Variants in GIGYF2 observed in about 807,000 individuals in gnomAD.
GIGYF2 encodes the protein GRB10-interacting GYF protein 2.
GIGYF2 carries 25 observed loss-of-function variants against 208.1 expected under a neutral mutation model. The observed-to-expected ratio is 0.12, with a 90% confidence interval of 0.09 to 0.17. The LOEUF is 0.17. GIGYF2 is among the 10% of genes least tolerant of loss of function. GIGYF2 has a pLI of 1.00. For missense variants in GIGYF2, 1,302 were observed against 1,579.4 expected (o/e 0.82, Z 2.98); for synonymous variants, 534 against 543.8 (o/e 0.98, Z 0.25).
chr2:232,791,143 G>A lies in GIGYF2; in HGVS notation c.1066G>A (p.Gly356Arg). 1.2e-6 allele frequency: 2 copies of A among 1,614,028 alleles called. No homozygotes were observed. The highest frequency in any genetic ancestry group is 1.7e-6 in the Non-Finnish European group (2 of 1,179,984). Residue 356 changes from glycine to arginine, a missense_variant, in exon 11 of 29, where the codon GGA (glycine) becomes AGA (arginine). By Grantham distance (125) the Gly-to-Arg change is moderately radical (BLOSUM62 -2). Around this residue, in one of 8 missense-constraint regions of GIGYF2, gnomAD observed 235 missense variants for 218.8 expected, o/e 1.07. Coordinates refer to ENST00000373563, the MANE Select transcript of GIGYF2 (RefSeq NM_001103146.3). ...KEPDKTNKKE[G>R]EKTDRVGVEA... ...ACCCGATAAGACAAATAAGAAAGAAGGAGAGAAAACAGATAGAGTAGGAGT... is the reference window on the plus strand; with the variant it reads ...ACCCGATAAGACAAATAAGAAAGAAAGAGAGAAAACAGATAGAGTAGGAGT...
intron 12 of GIGYF2, 54 bp from the exon 13 acceptor site, chr2:232,794,694 C>T (rs978311018): frequency 5.8e-6 from 8 of 1,367,966 alleles, no homozygotes; most frequent in Non-Finnish European, 8.4e-6. Context: ...TGTAGTTAGC[C>T]TTCACAGAAG....
At chr2:232,825,243 C>T (rs1701213660) in intron 21 of GIGYF2, among the ~76,000 whole-genome samples, 1 of 152,144 alleles carries the variant, frequency 6.6e-6, no homozygotes, top group African/African-American at 2.4e-5. Context: ...CTCTGTGTGT[C>T]ATGGGTAGTG....
At chr2:232,777,055 C>T (rs1405197052) in intron 8 of GIGYF2, among the ~76,000 whole-genome samples, 11 of 151,840 alleles carry the variant, frequency 7.2e-5, no homozygotes, top group African/African-American at 2.7e-4. Context: ...CCATTAGTTC[C>T]AGAACTAGTA....
intron 25 of GIGYF2, 98 bp downstream of exon 25, chr2:232,844,672 A>G: frequency 1.3e-6 from 1 of 795,778 alleles, no homozygotes; most frequent in Admixed American, 2.0e-5. Flanking sequence ...GTAGTTATTG[A>G]GTTTTTGCTT....
At chr2:232,791,691 T>C (rs1243407978) in intron 12 of GIGYF2, among the ~76,000 whole-genome samples, 1 of 152,232 alleles carries the variant, frequency 6.6e-6, no homozygotes, top group Non-Finnish European at 1.5e-5. Flanking sequence ...TAAGGTGTTA[T>C]GACATAGCCA....
chr2:232,842,385 A>G (rs1264903026), intron 23 of GIGYF2, among the ~76,000 whole-genome samples: 1 of 152,186 alleles, frequency 6.6e-6, no homozygotes, highest in Non-Finnish European at 1.5e-5. Flanking sequence ...ATGCTATATC[A>G]AACATCTGTG....
chr2:232,858,029 A>G lies in GIGYF2; in HGVS notation c.*1169A>G, dbSNP rs1360354902. On this transcript the variant is annotated 3_prime_UTR_variant, in exon 29 of 29. Coordinates refer to ENST00000373563, the MANE Select transcript of GIGYF2 (RefSeq NM_001103146.3). ...GGAGGGGATGGGCGAAAATGGGAGC[A>G]GGAAGCCTGGCCTGGCTTCTGGTCA... The G allele has an allele frequency of 1.2e-5, 2 of 167,090 alleles. No homozygotes were observed. The highest frequency in any genetic ancestry group is 4.8e-5 in the African/African-American group (2 of 41,556). 10.4% of individuals were successfully genotyped at this position (167,090 alleles called of 1,614,324 possible).
intron 3 of GIGYF2, among the ~76,000 whole-genome samples, chr2:232,743,124 C>T (rs1396672675): frequency 6.6e-6 from 1 of 152,126 alleles, no homozygotes; most frequent in Non-Finnish European, 1.5e-5. Flanking sequence ...GCTGCTGCCA[C>T]TTATTTACTA....
chr2:232,745,032 T>C (rs899978859), intron 3 of GIGYF2, among the ~76,000 whole-genome samples: 1 of 152,198 alleles, frequency 6.6e-6, no homozygotes, highest in Admixed American at 6.5e-5. Flanking sequence ...ATTCCACTTC[T>C]TCAGTAAAGA....
rs1374500563 is a variant in GIGYF2, at chr2:232,856,904, A to G, written c.*44A>G. The G allele has an allele frequency of 3.1e-6, 4 of 1,296,886 alleles. No homozygotes were observed. Among genetic ancestry groups the G allele is most frequent in the East Asian group, 2.3e-5 (1 of 43,504 alleles). 80.3% of individuals were successfully genotyped at this position (1,296,886 alleles called of 1,614,324 possible). A position where few individuals can be genotyped will look rare whatever the true frequency, so the allele number is the denominator to read the frequency against. The stretch of plus-strand genomic sequence containing the variant: ...GCCATCCCTCTCCTGTCTGCCGACT[A>G]TGGAGTCTCCACCTTTGGACACAAC... On this transcript the variant is annotated 3_prime_UTR_variant, in exon 29 of 29. Coordinates refer to ENST00000373563, the MANE Select transcript of GIGYF2 (RefSeq NM_001103146.3).
chr2:232,732,225 T>C (rs904852764), intron 2 of GIGYF2, among the ~76,000 whole-genome samples: 2 of 152,188 alleles, frequency 1.3e-5, no homozygotes, highest in Non-Finnish European at 2.9e-5. Context: ...TTTAATCCCT[T>C]TTAGTACTTC....
chr2:232,794,345 G>C (rs1385549674), intron 12 of GIGYF2, among the ~76,000 whole-genome samples: 1 of 152,152 alleles, frequency 6.6e-6, no homozygotes, highest in Admixed American at 6.5e-5. Flanking sequence ...CATAATCATT[G>C]ATATTTTCAG....
chr2:232,707,094 A>C (rs928608541), intron 2 of GIGYF2, among the ~76,000 whole-genome samples: 1 of 151,936 alleles, frequency 6.6e-6, no homozygotes, highest in Non-Finnish European at 1.5e-5. Flanking sequence ...TGCTAATTTT[A>C]TTCTTTTCAC....
intron 8 of GIGYF2, among the ~76,000 whole-genome samples, chr2:232,781,287 T>TACAC (rs3062047): frequency 0.02 from 2,481 of 127,068 alleles, 36 homozygotes; most frequent in Middle Eastern, 0.065. Flanking sequence ...ATATCAGGAA[T>TACAC]ACACACACAC....
chr2:232,724,947 A>G (rs772269095), intron 2 of GIGYF2, among the ~76,000 whole-genome samples: 21 of 152,244 alleles, frequency 1.4e-4, no homozygotes, highest in Non-Finnish European at 4.4e-5. Flanking sequence ...GGAAAAGAGA[A>G]TTATCCATAA....
chr2:232,826,815 A>G (rs1180491638), intron 21 of GIGYF2, among the ~76,000 whole-genome samples: 1 of 152,256 alleles, frequency 6.6e-6, no homozygotes, highest in Non-Finnish European at 1.5e-5. Flanking sequence ...CATAGAAAGT[A>G]GAGTCAGTCA....
chr2:232,847,217 G>T (rs926636910), intron 26 of GIGYF2, 131 bp from the exon 27 acceptor site: 1 of 876,826 alleles, frequency 1.1e-6, no homozygotes, highest in African/African-American at 1.7e-5. Context: ...CACAATTGCT[G>T]CATACTTACC....
rs1690691312 is a variant in GIGYF2 at position 232,859,318 on chromosome 2, A to T, written c.*2458A>T. ...TTTTGTTTGGTTGGCTTTTTTGGAG[A>T]TAGGGTCTTGTGATGTTGCCCACAC... On this transcript the variant is annotated 3_prime_UTR_variant, in exon 29 of 29. Transcript: ENST00000373563. The T allele has an allele frequency of 1.3e-5, 2 of 151,604 alleles. No individual in the cohort carries two copies. Among genetic ancestry groups the T allele is most frequent in the African/African-American group, 4.9e-5 (2 of 41,140 alleles). The allele number at this position is 151,604 out of a possible 1,614,324, so 9.4% of individuals were successfully genotyped here. A position where few individuals can be genotyped will look rare whatever the true frequency, so the allele number is the denominator to read the frequency against.
intron 4 of GIGYF2, among the ~76,000 whole-genome samples, 198 bp from the exon 5 acceptor site, chr2:232,748,789 A>G (rs1023233690): frequency 6.6e-6 from 1 of 152,176 alleles, no homozygotes; most frequent in African/African-American, 2.4e-5. Flanking sequence ...GCTGGGGAGT[A>G]TTGACTGGGG....
Sources: allele counts gnomAD v4.1 joint callset (sites outside exome capture counted in the v4.1 genomes callset), GRCh38; gene constraint gnomAD v4.1.1; regional missense constraint gnomAD v4.1.1; transcripts MANE v1.5; gene names NCBI Gene and HGNC (gene_info 2026-07-23, HGNC 2026-07-21).